PDE9A: variants seen among roughly 807,000 people sequenced by gnomAD.
PDE9A encodes high affinity cGMP-specific 3',5'-cyclic phosphodiesterase 9A.
Under a neutral mutation model 87.4 loss-of-function variants are expected in PDE9A, and 60 were observed. The ratio of observed to expected loss-of-function variants is 0.69; its 90% confidence interval spans 0.56 to 0.85. The LOEUF (loss-of-function observed/expected upper bound fraction) is 0.85. Ranked by LOEUF, PDE9A falls within the 40% of genes least tolerant of loss-of-function variation. The pLI is 0.00. For synonymous variants in PDE9A, 272 were observed against 279.4 expected, an observed-to-expected ratio of 0.97 and a Z score of 0.27; for missense variants, 665 against 779.0, an observed-to-expected ratio of 0.85 and a Z score of 1.74.
At chr21:42,771,358 C>T (rs1439236110) in intron 18 of PDE9A, among the ~76,000 whole-genome samples, 1 of 152,232 alleles carries the variant, frequency 6.6e-6, no homozygotes, top group African/African-American at 2.4e-5. Context: ...AGGTCACAGC[C>T]TCAGGGCCCA....
intron 14 of PDE9A, among the ~76,000 whole-genome samples, chr21:42,765,007 ATGGATGGATGG>A (rs1452497340): frequency 1.4e-4 from 20 of 141,992 alleles, no homozygotes; most frequent in Non-Finnish European, 2.3e-4. Context: ...GGATGGATGG[ATGGATGGATGG>A]ATGGGTGGAT....
intron 4 of PDE9A, among the ~76,000 whole-genome samples, chr21:42,710,270 G>A (rs1458303435): frequency 6.6e-6 from 1 of 152,210 alleles, no homozygotes; most frequent in East Asian, 1.9e-4. Flanking sequence ...TTAGCAGGGT[G>A]TGGTGGTGTG....
In PDE9A at chr21:42,760,528, C is replaced by A. The variant is rs909216006; in HGVS notation, c.1002+96C>A. The A allele has an allele frequency of 9.0e-6, 7 of 777,114 alleles. No homozygotes were observed. Among genetic ancestry groups the A allele is most frequent in the Middle Eastern group, 4.7e-4 (2 of 4,266 alleles). 48.1% of individuals were successfully genotyped at this position (777,114 alleles called of 1,614,324 possible). A position where few individuals can be genotyped will look rare whatever the true frequency, so the allele number is the denominator to read the frequency against. ...GGCAGCCCCATCCCACCAAGAGAGC[C>A]ACAGGCGTGGGGTCCCCAGCCGCTC... On this transcript the variant is annotated intron_variant, in intron 12 of 19. Coordinates refer to ENST00000291539, the MANE Select transcript of PDE9A (RefSeq NM_002606.3). This position sits in a 1 kb window ranked among gnomAD's most constrained non-coding sequence, Gnocchi z 5.2.
intron 1 of PDE9A, among the ~76,000 whole-genome samples, chr21:42,681,944 C>A (rs941197345): frequency 2.6e-5 from 4 of 152,240 alleles, no homozygotes; most frequent in African/African-American, 9.6e-5. Flanking sequence ...GGGGTCCTCC[C>A]GTGGTCTGAA....
At chr21:42,715,208 T>TA (rs397867275) in intron 4 of PDE9A, among the ~76,000 whole-genome samples, 62 of 150,036 alleles carry the variant, frequency 4.1e-4, no homozygotes, top group African/African-American at 1.2e-3. Flanking sequence ...TTTTTTTTTT[T>TA]ACAATTGATA....
chr21:42,686,676 G>A (rs1405060278), intron 2 of PDE9A, among the ~76,000 whole-genome samples: 1 of 152,176 alleles, frequency 6.6e-6, no homozygotes, highest in Non-Finnish European at 1.5e-5. Flanking sequence ...TTAGCCGGGC[G>A]TGGTGGCGAG....
intron 4 of PDE9A, among the ~76,000 whole-genome samples, chr21:42,724,381 TCA>T (rs977488804): frequency 1.3e-5 from 2 of 152,116 alleles, no homozygotes; most frequent in African/African-American, 4.8e-5. Context: ...ATGCATGAAA[TCA>T]CAGTTGTTTT....
At chr21:42,727,245 T>G (rs2051226179) in intron 4 of PDE9A, among the ~76,000 whole-genome samples, 1 of 152,186 alleles carries the variant, frequency 6.6e-6, no homozygotes, top group Admixed American at 6.5e-5. Context: ...GAATGTTTTG[T>G]AGTTTTCAAC....
chr21:42,668,236 C>T (rs2058140632), intron 1 of PDE9A, among the ~76,000 whole-genome samples: 1 of 152,142 alleles, frequency 6.6e-6, no homozygotes, highest in African/African-American at 2.4e-5. Context: ...CCTCCTACCC[C>T]ACCCTCCCCA....
Position 42,770,967 on chromosome 21 carries a change from A to G in PDE9A, c.1686+169A>G, listed in dbSNP as rs2056976106. 2.6e-5 allele frequency among the ~76,000 whole-genome samples: 4 copies of G among 152,230 alleles called. 1 individual carries two copies. Among genetic ancestry groups the G allele is most frequent in the Admixed American group, 2.0e-4 (3 of 15,286 alleles). On this transcript the variant is annotated intron_variant, in intron 18 of 19. Coordinates refer to ENST00000291539, the MANE Select transcript of PDE9A (RefSeq NM_002606.3). ...AAGCCTGGCTCAGTAAAATTAGGGA[A>G]TGCGATGAGGGAAACCAAAACTGCA...
chr21:42,748,904 A>G (rs1804475335), intron 8 of PDE9A, among the ~76,000 whole-genome samples: 1 of 152,198 alleles, frequency 6.6e-6, no homozygotes, highest in Non-Finnish European at 1.5e-5. Context: ...CATACTGTGC[A>G]TAGCATTCTT....
intron 4 of PDE9A, among the ~76,000 whole-genome samples, chr21:42,713,273 T>C (rs890154360): frequency 1.3e-5 from 2 of 152,198 alleles, no homozygotes; most frequent in Non-Finnish European, 2.9e-5. Flanking sequence ...TAGCTGGGAT[T>C]ACAGGTGTGC....
chr21:42,769,974 G>A (rs1233632364), intron 17 of PDE9A, among the ~76,000 whole-genome samples: 1 of 151,866 alleles, frequency 6.6e-6, no homozygotes, highest in East Asian at 1.9e-4. Context: ...CTCACCCATC[G>A]CTGCCGGCCT....
rs1434096996 is a variant in PDE9A at position 42,740,112 on chromosome 21, CATAG to C, written c.569-3656_569-3653del. On this transcript the variant is annotated intron_variant, in intron 7 of 19. Coordinates refer to ENST00000291539, the MANE Select transcript of PDE9A (RefSeq NM_002606.3). The stretch of plus-strand genomic sequence containing the variant: ...AGATACATACATACATAGATACATA[CATAG>C]ATAGATACTATATAGATATGTAAAT... Among the ~76,000 whole-genome samples, 3 of 152,132 alleles carry C rather than the reference CATAG, an allele frequency of 2.0e-5. No individual in the cohort carries two copies. The East Asian group carries it at 5.8e-4, about 29-fold the overall frequency.
At chr21:42,715,239 C>T (rs912603414) in intron 4 of PDE9A, among the ~76,000 whole-genome samples, 2 of 132,152 alleles carry the variant, frequency 1.5e-5, no homozygotes, top group Non-Finnish European at 3.1e-5. Flanking sequence ...TTTAGATTCA[C>T]GGCAAAATTG....
At chr21:42,665,543 A>G (rs1350272334) in intron 1 of PDE9A, among the ~76,000 whole-genome samples, 1 of 152,106 alleles carries the variant, frequency 6.6e-6, no homozygotes, top group Non-Finnish European at 1.5e-5. Flanking sequence ...GCAGTGTTGG[A>G]ACCTGGACAT....
chr21:42,727,077 CA>C (rs34249348), intron 4 of PDE9A, among the ~76,000 whole-genome samples: 23,404 of 81,674 alleles, frequency 0.29, 1,251 homozygotes, highest in South Asian at 0.39. Context: ...TCTATTTCTA[CA>C]AAAAAAAAAA....
In PDE9A at chr21:42,705,619, G is replaced by A. The variant is rs1024086481; in HGVS notation, c.262+6608G>A. Among the ~76,000 whole-genome samples the A allele has an allele frequency of 2.6e-5, 4 of 152,182 alleles. No homozygotes were observed. The highest frequency in any genetic ancestry group is 9.7e-5 in the African/African-American group (4 of 41,448). ...TTTTGACCAGAGCGTTAGGGAAAGCGTGCTGCAGTCACACGCCAGGACGGC... is the reference window on the plus strand; with the variant it reads ...TTTTGACCAGAGCGTTAGGGAAAGCATGCTGCAGTCACACGCCAGGACGGC... On this transcript the variant is annotated intron_variant, in intron 4 of 19. Transcript: ENST00000291539. The surrounding 1 kb of genome is among the most constrained non-coding windows in gnomAD (Gnocchi z 4.3).
At position 42,683,889 on chromosome 21, in the gene PDE9A, G is replaced by A. The variant is rs532201987; in HGVS notation, c.70-2303G>A. On this transcript the variant is annotated intron_variant, in intron 1 of 19. Coordinates refer to ENST00000291539, the MANE Select transcript of PDE9A (RefSeq NM_002606.3). The stretch of plus-strand genomic sequence containing the variant: ...GATGTGGTGCCCTTTGTGCCCAGGA[G>A]GAGAAGCACCCAGTGGGGCGGGGTG... 3.7e-3 allele frequency among the ~76,000 whole-genome samples: 568 copies of A among 152,324 alleles called. 17 individuals are homozygous for A. The highest frequency in any genetic ancestry group is 1.6e-3 in the Non-Finnish European group (108 of 68,032).
Sources: gnomAD v4.1 joint callset for allele counts (sites outside exome capture counted in the v4.1 genomes callset) on GRCh38, gnomAD v4.1.1 for gene constraint, Gnocchi (gnomAD v3.1) non-coding constraint, MANE v1.5 for transcripts, NCBI Gene and HGNC (gene_info 2026-07-23, HGNC 2026-07-21) for gene names.